The following RP1L1 variants were observed in gnomAD, a reference collection of about 807,000 sequenced individuals.
The protein encoded by RP1L1 is RP1 like 1.
RP1L1 carries 27 observed loss-of-function variants against 15.7 expected under a neutral mutation model. The observed-to-expected ratio is 1.72, with a 90% CI of 1.27 to 2.38. The LOEUF is 2.38. Ranked by LOEUF, RP1L1 falls within the 30% of genes most tolerant of loss-of-function variation. RP1L1 has a pLI of 0.00. For missense variants in RP1L1, 4,798 were observed against 3,075.9 expected (o/e 1.56, Z -13.24); for synonymous variants, 1,813 against 1,276.7 (o/e 1.42, Z -8.96).
At chr8:10,653,375 G>A (rs908376958) in intron 1 of RP1L1, among the ~76,000 whole-genome samples, 5 of 151,912 alleles carry the variant, frequency 3.3e-5, no homozygotes, top group African/African-American at 1.2e-4. Context: ...GAGCAGAGGA[G>A]CAGAGAACTA....
rs980978571 is a variant in RP1L1, at chr8:10,655,037, C to A, written c.-159G>T. ...CCTCTGGGCAGCAGGGCTGGCCACC[C>A]TCCTCCGGACAGTCCTCGGGGCCAC... On this transcript the variant is annotated 5_prime_UTR_variant, in exon 1 of 4. In the 5' UTR this introduces an upstream ATG that the reference lacks. Transcript: ENST00000382483. 6.5e-6 allele frequency: 1 copy of A among 152,738 alleles called. No homozygotes were observed. The highest frequency in any genetic ancestry group is 1.5e-5 in the Non-Finnish European group (1 of 68,096). The allele number at this position is 152,738 out of a possible 1,614,324, so 9.5% of individuals were successfully genotyped here.
At chr8:10,620,025 A>T (rs1030514051) in intron 2 of RP1L1, among the ~76,000 whole-genome samples, 4 of 151,330 alleles carry the variant, frequency 2.6e-5, no homozygotes, top group Non-Finnish European at 5.9e-5. Context: ...AGTATGGCTG[A>T]TACAGTGATA....
At chr8:10,623,497 CACCATGTCCCCA>C (rs1054342012) in intron 1 of RP1L1, among the ~76,000 whole-genome samples, 6 of 29,698 alleles carry the variant, frequency 2.0e-4, no homozygotes, top group Non-Finnish European at 7.4e-4. Flanking sequence ...CCTTCAGAGT[CACCATGTCCCCA>C]GAACCACCAT....
At chr8:10,641,358 T>A (rs1478209972) in intron 1 of RP1L1, among the ~76,000 whole-genome samples, 1 of 152,224 alleles carries the variant, frequency 6.6e-6, no homozygotes, top group Admixed American at 6.5e-5. Context: ...GGGGGTTCTC[T>A]GGACTGACAG....
chr8:10,613,606 A>C (rs1338964426), intron 3 of RP1L1, among the ~76,000 whole-genome samples: 1 of 135,202 alleles, frequency 7.4e-6, no homozygotes, highest in Non-Finnish European at 1.5e-5. Flanking sequence ...TCTCCAAAAA[A>C]AAAAAAAAAA....
In RP1L1 at chr8:10,609,260, A is replaced by G. The variant is rs1167650751; in HGVS notation, c.4838T>C (p.Leu1613Pro). The change falls in exon 4 of 4, where the codon CTG (leucine) becomes CCG (proline). Residue 1613 changes from leucine to proline, a missense_variant. Coordinates refer to ENST00000382483, the MANE Select transcript of RP1L1 (RefSeq NM_178857.6). The stretch of plus-strand genomic sequence containing the variant: ...CTCAGAGAAGGCCGAGAGGTTTCGC[A>G]GGCCCCGGAGACGGTGTCTGCGCTG... The part of the protein sequence containing the change: ...TQQRRHRLRG[L>P]RNLSAFSERT... 1.2e-6 allele frequency: 2 copies of G among 1,608,894 alleles called. No homozygotes were observed. The highest frequency in any genetic ancestry group is 4.5e-5 in the East Asian group (2 of 44,836).
rs757244182 is a variant in RP1L1, at chr8:10,613,240, G to A, written c.858C>T (p.Gly286=). 7.4e-6 allele frequency: 12 copies of A among 1,612,582 alleles called. No individual in the cohort carries two copies. The highest frequency in any genetic ancestry group is 1.6e-4 in the Middle Eastern group (1 of 6,062). ...CCTGAGGGTGCCTGCCAGGAGCAGGGCCCACCGGGGGGTTGCTAGGACCAG... is the reference window on the plus strand; with the variant it reads ...CCTGAGGGTGCCTGCCAGGAGCAGGACCCACCGGGGGGTTGCTAGGACCAG... ...ERPGPSNPPV[G]PAPGRHPQDT... The change falls in exon 4 of 4, where the codon GGC becomes GGT. Residue 286 remains glycine, a synonymous_variant. Coordinates refer to ENST00000382483, the MANE Select transcript of RP1L1 (RefSeq NM_178857.6).
intron 1 of RP1L1, among the ~76,000 whole-genome samples, chr8:10,652,931 C>T (rs1017092141): frequency 2.0e-5 from 3 of 152,156 alleles, no homozygotes; most frequent in African/African-American, 4.8e-5. Flanking sequence ...GAGGAAGGCT[C>T]GGTCTTTGGG....
In RP1L1 at chr8:10,612,690, A is replaced by G; in HGVS notation, c.1408T>C (p.Ser470Pro). 1 of 1,602,874 alleles carries G rather than the reference A, an allele frequency of 6.2e-7. No homozygotes were observed. Among genetic ancestry groups the G allele is most frequent in the Non-Finnish European group, 8.5e-7 (1 of 1,178,068 alleles). ...GLPEGSEPES[S>P]CCPRTPEDGV... The stretch of plus-strand genomic sequence containing the variant: ...TCCTCCGGGGTCCTGGGGCAGCAGG[A>G]GGACTCTGGCTCCGAGCCCTCGGGG... Residue 470 changes from serine to proline, a missense_variant, in exon 4 of 4, where the codon TCC (serine) becomes CCC (proline). Transcript: ENST00000382483.
At position 10,623,100 on chromosome 8, in the gene RP1L1, C is replaced by G; in HGVS notation, c.102G>C (p.Lys34Asn). Residue 34 changes from lysine (K) to asparagine (N), a missense_variant, in exon 2 of 4, where the codon AAG becomes AAC. Transcript: ENST00000382483. ...TPSVTKVTPAKKITFLKRGDP... is the reference protein window; with the variant it reads ...TPSVTKVTPANKITFLKRGDP... ...CCCCTCGCTTGAGGAAGGTGATCTT[C>G]TTGGCTGGCGTGACCTTGGTGACCG... 6.2e-7 allele frequency: 1 copy of G among 1,613,772 alleles called. No individual in the cohort carries two copies. Among genetic ancestry groups the G allele is most frequent in the Non-Finnish European group, 8.5e-7 (1 of 1,179,886 alleles).
At chr8:10,638,240 T>A (rs899875883) in intron 1 of RP1L1, among the ~76,000 whole-genome samples, 6 of 152,220 alleles carry the variant, frequency 3.9e-5, no homozygotes, top group African/African-American at 1.4e-4. Context: ...TCAAACGTAT[T>A]TCCATGTATC....
intron 1 of RP1L1, among the ~76,000 whole-genome samples, chr8:10,653,243 G>C (rs999335431): frequency 3.9e-5 from 6 of 152,170 alleles, no homozygotes; most frequent in Non-Finnish European, 7.4e-5. Flanking sequence ...ACAGGGACGG[G>C]TTATTTAACT....
intron 1 of RP1L1, among the ~76,000 whole-genome samples, chr8:10,653,983 G>C (rs1298676417): frequency 2.0e-5 from 3 of 152,154 alleles, no homozygotes; most frequent in Non-Finnish European, 4.4e-5. Context: ...GCAGCAGCTG[G>C]GGAGGGAGCC....
intron 1 of RP1L1, among the ~76,000 whole-genome samples, chr8:10,627,326 C>T (rs1418499932): frequency 1.3e-5 from 2 of 152,098 alleles, no homozygotes; most frequent in Non-Finnish European, 2.9e-5. Flanking sequence ...AAATCTGGCC[C>T]ATGCTGCAAC....
intron 1 of RP1L1, among the ~76,000 whole-genome samples, chr8:10,650,020 G>T (rs1340128794): frequency 1.3e-5 from 2 of 152,166 alleles, no homozygotes; most frequent in African/African-American, 4.8e-5. Flanking sequence ...TTCCCTGGTT[G>T]TAGGGCACGT....
chr8:10,621,195 G>A (rs1211950924), intron 2 of RP1L1: 3 of 153,606 alleles, frequency 2.0e-5, no homozygotes, highest in African/African-American at 4.8e-5. Flanking sequence ...CATAGAAGAC[G>A]AAGGGTCCAG....
chr8:10,607,502 G>C lies in RP1L1; in HGVS notation c.6596C>G (p.Pro2199Arg). ...TGGTTGGGCCTCCCCTTCTGCCTCT[G>C]GGGCCTCTATACCTTCTGACTCTGG... ...AQPESEGIEAPEAEGEAQPEL... is the reference protein window; with the variant it reads ...AQPESEGIEAREAEGEAQPEL... The change falls in exon 4 of 4, where the codon CCA (proline) becomes CGA (arginine). Residue 2199 changes from proline to arginine, a missense_variant. Coordinates refer to ENST00000382483, the MANE Select transcript of RP1L1 (RefSeq NM_178857.6). The C allele has an allele frequency of 6.2e-7, 1 of 1,604,918 alleles. No individual in the cohort carries two copies. Among genetic ancestry groups the C allele is most frequent in the South Asian group, 1.1e-5 (1 of 90,644 alleles).
Position 10,623,205 on chromosome 8 carries a change from GT to G in RP1L1, c.-5del. On this transcript the variant is annotated 5_prime_UTR_variant, in exon 2 of 4. Transcript: ENST00000382483. ...CATTCCTGGGGGTGCTGTTCATGGT[GT>G]GGGGGCTCTGGCCGCTGTAACAGGG... The G allele has an allele frequency of 1.3e-6, 2 of 1,547,042 alleles. No homozygotes were observed. Among genetic ancestry groups the G allele is most frequent in the East Asian group, 4.5e-5 (2 of 44,386 alleles).
chr8:10,616,153 C>T (rs1797960983), intron 3 of RP1L1, among the ~76,000 whole-genome samples: 1 of 152,180 alleles, frequency 6.6e-6, no homozygotes, highest in African/African-American at 2.4e-5. Flanking sequence ...AAGCTATCCT[C>T]TCGCTTTGGG....
Sources: gnomAD v4.1 joint callset for allele counts (sites outside exome capture counted in the v4.1 genomes callset) on GRCh38, gnomAD v4.1.1 for gene constraint, MANE v1.5 for transcripts, NCBI Gene and HGNC (gene_info 2026-07-23, HGNC 2026-07-21) for gene names.